The following SLC30A7 variants were observed in gnomAD, a reference collection of about 807,000 sequenced individuals.
SLC30A7 encodes solute carrier family 30 member 7.
A neutral mutation model predicts 46.0 loss-of-function variants in SLC30A7; 35 were observed. The observed-to-expected ratio is 0.76, with a 90% CI of 0.58 to 1.01. The LOEUF (loss-of-function observed/expected upper bound fraction) is 1.01, where lower values mean the gene tolerates loss of function less well. Ranked by LOEUF, SLC30A7 falls within the 50% of genes least tolerant of loss-of-function variation. SLC30A7 has a pLI of 0.00. For missense variants in SLC30A7, 464 were observed against 451.1 expected, an observed-to-expected ratio of 1.03 and a Z score of -0.26; for synonymous variants, 147 against 157.8, an observed-to-expected ratio of 0.93 and a Z score of 0.51.
intron 8 of SLC30A7, among the ~76,000 whole-genome samples, chr1:100,927,428 G>T (rs960037225): frequency 1.3e-5 from 2 of 152,132 alleles, no homozygotes; most frequent in Non-Finnish European, 2.9e-5. Context: ...GGACTAAGAA[G>T]AGTGATGAGA....
rs978016081 is a variant in SLC30A7 at position 100,977,638 on chromosome 1, A to T, written c.*2781A>T. 2 of 152,248 alleles carry T rather than the reference A, an allele frequency of 1.3e-5. No individual in the cohort carries two copies. Among genetic ancestry groups the T allele is most frequent in the African/African-American group, 2.4e-5 (1 of 41,466 alleles). 9.4% of individuals were successfully genotyped at this position (152,248 alleles called of 1,614,324 possible). On this transcript the variant is annotated 3_prime_UTR_variant, in exon 11 of 11. Coordinates refer to ENST00000357650, the MANE Select transcript of SLC30A7 (RefSeq NM_133496.5). ...AGTGTAACTTTGCCAATATTTTAAA[A>T]GCCAAAATATTCTCTGGACAACAAA...
chr1:100,979,927 A>C lies in SLC30A7; in HGVS notation c.*5070A>C, dbSNP rs1308144002. On this transcript the variant is annotated 3_prime_UTR_variant, in exon 11 of 11. Coordinates refer to ENST00000357650, the MANE Select transcript of SLC30A7 (RefSeq NM_133496.5). ...TCTCAATACACTCTCCTATAAAATTAGTGAATAATCACCATGACAAAATTG... is the reference window on the plus strand; with the variant it reads ...TCTCAATACACTCTCCTATAAAATTCGTGAATAATCACCATGACAAAATTG... 6.6e-6 allele frequency: 1 copy of C among 152,128 alleles called. No homozygotes were observed. Among genetic ancestry groups the C allele is most frequent in the Non-Finnish European group, 1.5e-5 (1 of 67,966 alleles). The allele number at this position is 152,128 out of a possible 1,614,324, so 9.4% of individuals were successfully genotyped here.
chr1:100,975,066 C>G lies in SLC30A7; in HGVS notation c.*209C>G. ...AGAGGATATCTCCTGGACTTTTGGT[C>G]TTTTCTTTTGTGCTCTTTCCTCCAA... On this transcript the variant is annotated 3_prime_UTR_variant, in exon 11 of 11. Coordinates refer to ENST00000357650, the MANE Select transcript of SLC30A7 (RefSeq NM_133496.5). 1 of 392,988 alleles carries G rather than the reference C, an allele frequency of 2.5e-6. No homozygotes were observed. Among genetic ancestry groups the G allele is most frequent in the Non-Finnish European group, 4.5e-6 (1 of 221,748 alleles). 24.3% of individuals were successfully genotyped at this position (392,988 alleles called of 1,614,324 possible).
In SLC30A7 at chr1:100,949,785, G is replaced by A. The variant is rs1654860451; in HGVS notation, c.843-12043G>A. Among the ~76,000 whole-genome samples the A allele has an allele frequency of 3.3e-5, 5 of 152,212 alleles. No individual in the cohort carries two copies. The South Asian group carries it at 1.0e-3, about 32-fold the overall frequency. On this transcript the variant is annotated intron_variant, in intron 8 of 10. Coordinates refer to ENST00000357650, the MANE Select transcript of SLC30A7 (RefSeq NM_133496.5). ...GATCTCAGACTGCTGCACTAGCAGT[G>A]AGCAAGGCTCTGTGGGTATGGGACC...
At chr1:100,993,269 C>A in the SLC30A7 span, among the ~76,000 whole-genome samples, 1 of 151,872 alleles carries the variant, frequency 6.6e-6, no homozygotes. Context: ...ATAGCCATTG[C>A]AGGCCAGGCG....
intron 8 of SLC30A7, among the ~76,000 whole-genome samples, chr1:100,936,257 G>A (rs1653959079): frequency 6.6e-6 from 1 of 152,120 alleles, no homozygotes; most frequent in Admixed American, 6.5e-5. Flanking sequence ...TCTCAGTCTG[G>A]TGTCTGGTCA....
rs1354199493 is a variant in SLC30A7 at position 100,977,598 on chromosome 1, C to T, written c.*2741C>T. ...TGAGCTAACTCTTAAAAAAACCAAACAAAACTCGTATCTGAGTGTAACTTT... is the reference window on the plus strand; with the variant it reads ...TGAGCTAACTCTTAAAAAAACCAAATAAAACTCGTATCTGAGTGTAACTTT... On this transcript the variant is annotated 3_prime_UTR_variant, in exon 11 of 11. Coordinates refer to ENST00000357650, the MANE Select transcript of SLC30A7 (RefSeq NM_133496.5). The T allele has an allele frequency of 6.6e-6, 1 of 152,114 alleles. No individual in the cohort carries two copies. The highest frequency in any genetic ancestry group is 2.4e-5 in the African/African-American group (1 of 41,438). 9.4% of individuals were successfully genotyped at this position (152,114 alleles called of 1,614,324 possible).
At chr1:100,982,310 T>C (rs976183784), downstream of SLC30A7, among the ~76,000 whole-genome samples, 3 of 152,220 alleles carry the variant, frequency 2.0e-5, no homozygotes, top group African/African-American at 4.8e-5. Context: ...GTGGTCTACA[T>C]TTGCTGCTTC....
At chr1:100,906,509 C>T (rs1264366172) in intron 2 of SLC30A7, among the ~76,000 whole-genome samples, 5 of 152,100 alleles carry the variant, frequency 3.3e-5, no homozygotes, top group African/African-American at 4.8e-5. Flanking sequence ...GTATCAGCCT[C>T]GTCCCAGTAG....
intron 8 of SLC30A7, among the ~76,000 whole-genome samples, chr1:100,929,264 A>G (rs1418461154): frequency 1.3e-5 from 2 of 152,134 alleles, no homozygotes; most frequent in Non-Finnish European, 2.9e-5. Flanking sequence ...CTTAGACTTT[A>G]AAAAAGCATA....
At chr1:100,956,894 C>A (rs1462976857) in intron 8 of SLC30A7, among the ~76,000 whole-genome samples, 1 of 152,204 alleles carries the variant, frequency 6.6e-6, no homozygotes, top group Non-Finnish European at 1.5e-5. Flanking sequence ...GCTTTAAATT[C>A]ATATGTGCCT....
the SLC30A7 span, among the ~76,000 whole-genome samples, chr1:100,993,549 C>G: frequency 1.9e-5 from 1 of 52,916 alleles, no homozygotes; most frequent in African/African-American, 6.3e-5. Context: ...AAGACTCTGT[C>G]GAAAATATAA....
rs1365110978 is a variant in SLC30A7, at chr1:100,896,693, T to C, written c.182+22T>C. 3 of 1,604,050 alleles carry C rather than the reference T, an allele frequency of 1.9e-6. No individual in the cohort carries two copies. In the East Asian group the frequency reaches 6.7e-5, roughly 36 times the overall value. ...ACTGGTAACCAAAGGGGAAAATGGT[T>C]TGGGCGGAAGCTGGGTGTGAGGGAG... On this transcript the variant is annotated intron_variant, in intron 2 of 10. Transcript: ENST00000357650.
At chr1:100,910,410 C>G (rs1188484054) in intron 3 of SLC30A7, among the ~76,000 whole-genome samples, 1 of 152,038 alleles carries the variant, frequency 6.6e-6, no homozygotes, top group Non-Finnish European at 1.5e-5. Context: ...GAACAAAAGA[C>G]AGGTATTTTA....
chr1:100,937,254 G>T (rs1654024820), intron 8 of SLC30A7, among the ~76,000 whole-genome samples: 1 of 152,132 alleles, frequency 6.6e-6, no homozygotes, highest in Admixed American at 6.5e-5. Context: ...TCTGTGGGAG[G>T]TTTTGAATTA....
In SLC30A7 at chr1:100,925,876, C is replaced by T. The variant is rs75555913; in HGVS notation, c.842+4035C>T. Among the ~76,000 whole-genome samples the T allele has an allele frequency of 8.0e-3, 1,215 of 152,268 alleles. 13 individuals are homozygous for T. The highest frequency in any genetic ancestry group is 0.028 in the African/African-American group (1,152 of 41,548). Reference sequence around the variant, plus strand: ...AGAAAGGGTTGAAAATAGTCCACACCTGGATTTAAAGTCATGGAGTGGTTG... The same window carrying T: ...AGAAAGGGTTGAAAATAGTCCACACTTGGATTTAAAGTCATGGAGTGGTTG... On this transcript the variant is annotated intron_variant, in intron 8 of 10. Coordinates refer to ENST00000357650, the MANE Select transcript of SLC30A7 (RefSeq NM_133496.5).
intron 8 of SLC30A7, among the ~76,000 whole-genome samples, chr1:100,930,964 T>C (rs1653629485): frequency 6.6e-6 from 1 of 152,154 alleles, no homozygotes; most frequent in Non-Finnish European, 1.5e-5. Flanking sequence ...ACTTCTTACC[T>C]ATGTATCTAG....
intron 6 of SLC30A7, among the ~76,000 whole-genome samples, chr1:100,915,887 C>T (rs1652511656): frequency 6.6e-6 from 1 of 152,114 alleles, no homozygotes; most frequent in Admixed American, 6.5e-5. Flanking sequence ...ACATTGCCAC[C>T]AGTAGTATAC....
the SLC30A7 span, chr1:100,992,546 C>T: frequency 1.2e-6 from 1 of 855,122 alleles, no homozygotes; most frequent in Non-Finnish European, 1.8e-6. Flanking sequence ...CTGACTCTTG[C>T]TTCCATAGTG....
Sources: gnomAD v4.1 joint callset for allele counts (sites outside exome capture counted in the v4.1 genomes callset) on GRCh38, gnomAD v4.1.1 for gene constraint, MANE v1.5 for transcripts, NCBI Gene and HGNC (gene_info 2026-07-23, HGNC 2026-07-21) for gene names.